MINDY4: variants seen among roughly 807,000 people sequenced by gnomAD.
The protein encoded by MINDY4 is MINDY lysine 48 deubiquitinase 4, also known as probable ubiquitin carboxyl-terminal hydrolase MINDY-4.
MINDY4 carries 68 observed loss-of-function variants against 87.0 expected under a neutral mutation model. The ratio of observed to expected loss-of-function variants is 0.78; its 90% confidence interval spans 0.64 to 0.96. MINDY4 has a LOEUF of 0.96. Among genes scored for constraint, MINDY4 ranks in the 40% least tolerant of loss-of-function variants. The pLI is 0.00. For synonymous variants in MINDY4, 379 were observed against 363.2 expected, an observed-to-expected ratio of 1.04 and a Z score of -0.50; for missense variants, 919 against 928.2, an observed-to-expected ratio of 0.99 and a Z score of 0.13.
At chr7:30,831,443 T>C (rs977745386) in intron 6 of MINDY4, among the ~76,000 whole-genome samples, 3 of 152,146 alleles carry the variant, frequency 2.0e-5, no homozygotes, top group Non-Finnish European at 4.4e-5. Context: ...ATGCACTTGC[T>C]GAGCAAATAG....
chr7:30,826,170 T>C (rs1228986151), intron 5 of MINDY4, among the ~76,000 whole-genome samples: 2 of 152,370 alleles, frequency 1.3e-5, no homozygotes, highest in East Asian at 3.9e-4. Flanking sequence ...CCTTCACTTA[T>C]TCTTATTTGC....
intron 12 of MINDY4, 122 bp from the exon 13 acceptor site, chr7:30,859,135 C>A: frequency 1.1e-6 from 1 of 925,978 alleles, no homozygotes; most frequent in Non-Finnish European, 1.8e-6. Flanking sequence ...AACCCCAGGG[C>A]TGGGCTGGAG....
intron 3 of MINDY4, 135 bp from the exon 4 acceptor site, chr7:30,785,614 G>A (rs1460229895): frequency 1.1e-5 from 11 of 1,024,592 alleles, no homozygotes; most frequent in Non-Finnish European, 1.6e-5. Context: ...TCATGATAAC[G>A]CACTGGCTGG....
chr7:30,797,502 G>A (rs376904893), intron 5 of MINDY4, among the ~76,000 whole-genome samples: 3 of 152,160 alleles, frequency 2.0e-5, no homozygotes, highest in Admixed American at 6.5e-5. Flanking sequence ...CGCAAATGCC[G>A]ACAGCAGTTG....
In MINDY4 at chr7:30,772,195, G is replaced by A. The variant is rs1000574733; in HGVS notation, c.63+639G>A. Among the ~76,000 whole-genome samples, 4 of 152,236 alleles carry A rather than the reference G, an allele frequency of 2.6e-5. No individual in the cohort carries two copies. In the East Asian group the frequency reaches 7.7e-4, roughly 29 times the overall value. On this transcript the variant is annotated intron_variant, in intron 1 of 17. Coordinates refer to ENST00000265299, the MANE Select transcript of MINDY4 (RefSeq NM_032222.3). ...GGAAGGAGCTCGCCGGGGGGTCTTGGGCGTGGTAGTGGAGGGGGACATACA... is the reference window on the plus strand; with the variant it reads ...GGAAGGAGCTCGCCGGGGGGTCTTGAGCGTGGTAGTGGAGGGGGACATACA...
At chr7:30,824,537 A>G (rs1213769903) in intron 5 of MINDY4, among the ~76,000 whole-genome samples, 2 of 152,168 alleles carry the variant, frequency 1.3e-5, no homozygotes, top group Non-Finnish European at 2.9e-5. Context: ...TTAGCCAAGA[A>G]TCTAGTAACA....
chr7:30,869,345 G>T (rs551394888), intron 13 of MINDY4, among the ~76,000 whole-genome samples: 1 of 152,230 alleles, frequency 6.6e-6, no homozygotes, highest in African/African-American at 2.4e-5. Flanking sequence ...CCTTCAGCCC[G>T]TATGTTTCAT....
At chr7:30,810,211 TAAG>T (rs1787944649) in intron 5 of MINDY4, among the ~76,000 whole-genome samples, 1 of 136,934 alleles carries the variant, frequency 7.3e-6, no homozygotes, top group Admixed American at 7.5e-5. Context: ...ATGTTTATAA[TAAG>T]TCAGAAAGTT....
chr7:30,773,334 A>G (rs1219623019), intron 1 of MINDY4, among the ~76,000 whole-genome samples: 3 of 152,180 alleles, frequency 2.0e-5, no homozygotes, highest in Non-Finnish European at 4.4e-5. Context: ...ACATAAGATT[A>G]TTGTGAGACC....
intron 9 of MINDY4, among the ~76,000 whole-genome samples, chr7:30,849,297 T>C (rs1407296764): frequency 6.6e-6 from 1 of 152,180 alleles, no homozygotes; most frequent in Admixed American, 6.5e-5. Flanking sequence ...TCCTCTGTAT[T>C]CCTTTGAGCC....
intron 5 of MINDY4, among the ~76,000 whole-genome samples, chr7:30,804,875 G>A (rs768209840): frequency 7.2e-5 from 11 of 152,152 alleles, no homozygotes; most frequent in Non-Finnish European, 1.5e-4. Flanking sequence ...GGCAGGTCTG[G>A]CAGTTCAGAG....
At chr7:30,852,958 G>A (rs752153102) in intron 11 of MINDY4, among the ~76,000 whole-genome samples, 3 of 152,178 alleles carry the variant, frequency 2.0e-5, no homozygotes, top group Non-Finnish European at 2.9e-5. Flanking sequence ...AAGCAAAGGA[G>A]ACTCCTAAGG....
chr7:30,785,166 T>C (rs142663668), intron 3 of MINDY4, among the ~76,000 whole-genome samples: 38 of 151,946 alleles, frequency 2.5e-4, no homozygotes, highest in African/African-American at 7.7e-4. Context: ...TCCAGATGCT[T>C]TGGTAGGTCA....
At chr7:30,815,848 G>C (rs1215074934) in intron 5 of MINDY4, among the ~76,000 whole-genome samples, 1 of 152,166 alleles carries the variant, frequency 6.6e-6, no homozygotes, top group African/African-American at 2.4e-5. Context: ...GGGCCACAAA[G>C]TCCTGGTGTG....
At position 30,879,739 on chromosome 7, in the gene MINDY4, C is replaced by T. The variant is rs566918406; in HGVS notation, c.1972-2442C>T. Among the ~76,000 whole-genome samples, 10 of 152,308 alleles carry T rather than the reference C, an allele frequency of 6.6e-5. 2 individuals are homozygous for T. The highest frequency in any genetic ancestry group is 2.4e-4 in the African/African-American group (10 of 41,576). ...TAAGTAGGGGGTCCTTCTCATTGTC[C>T]CCTCCATACCTTGTCAATCACCATC... On this transcript the variant is annotated intron_variant, in intron 15 of 17. Coordinates refer to ENST00000265299, the MANE Select transcript of MINDY4 (RefSeq NM_032222.3).
chr7:30,815,821 G>A (rs573431374), intron 5 of MINDY4, among the ~76,000 whole-genome samples: 1 of 152,296 alleles, frequency 6.6e-6, no homozygotes, highest in South Asian at 2.1e-4. Flanking sequence ...AGAAGGGCAG[G>A]GAGGTGTGAA....
chr7:30,795,071 G>C (rs970997082), intron 5 of MINDY4, among the ~76,000 whole-genome samples: 6 of 152,138 alleles, frequency 3.9e-5, no homozygotes, highest in African/African-American at 1.4e-4. Context: ...GTTCTTTGGA[G>C]GCACCTCACT....
chr7:30,831,768 A>T (rs74432030), intron 6 of MINDY4, among the ~76,000 whole-genome samples: 19,579 of 152,192 alleles, frequency 0.13, 1,457 homozygotes, highest in East Asian at 0.22. Flanking sequence ...TCTTCCTATG[A>T]ACATCATTCC....
intron 5 of MINDY4, among the ~76,000 whole-genome samples, chr7:30,823,472 C>G (rs1421906230): frequency 6.6e-6 from 1 of 152,166 alleles, no homozygotes; most frequent in African/African-American, 2.4e-5. Flanking sequence ...TTCCTTCTTT[C>G]CCTTCATTCC....
Sources: allele counts gnomAD v4.1 joint callset (sites outside exome capture counted in the v4.1 genomes callset), GRCh38; gene constraint gnomAD v4.1.1; transcripts MANE v1.5; gene names NCBI Gene and HGNC (gene_info 2026-07-23, HGNC 2026-07-21).